The following RALGPS2 variants were observed in gnomAD, a reference collection of about 807,000 sequenced individuals.
RALGPS2 encodes the protein Ral GEF with PH domain and SH3 binding motif 2.
A neutral mutation model predicts 86.8 loss-of-function variants in RALGPS2; 43 were observed. The ratio of observed to expected loss-of-function variants is 0.50; its 90% CI spans 0.39 to 0.64. The LOEUF (loss-of-function observed/expected upper bound fraction) is 0.64. RALGPS2 is among the 30% of genes least tolerant of loss of function. The pLI, the probability that RALGPS2 is intolerant of heterozygous loss-of-function variation, is 0.00. For missense variants in RALGPS2, 536 were observed against 694.6 expected, an observed-to-expected ratio of 0.77 and a Z score of 2.57; for synonymous variants, 243 against 231.3, an observed-to-expected ratio of 1.05 and a Z score of -0.46.
chr1:178,777,212 A>G (rs1295016526), intron 2 of RALGPS2, among the ~76,000 whole-genome samples: 2 of 151,022 alleles, frequency 1.3e-5, no homozygotes, highest in South Asian at 2.1e-4. Context: ...TACAAAATCA[A>G]TGTACAAAAA....
intron 13 of RALGPS2, among the ~76,000 whole-genome samples, chr1:178,886,919 A>G (rs1487062522): frequency 6.6e-6 from 1 of 152,112 alleles, no homozygotes; most frequent in Non-Finnish European, 1.5e-5. Flanking sequence ...TGGCAAGATA[A>G]AAGTCATTGG....
chr1:178,823,171 A>G (rs1392896751), intron 7 of RALGPS2, among the ~76,000 whole-genome samples: 1 of 152,182 alleles, frequency 6.6e-6, no homozygotes, highest in Non-Finnish European at 1.5e-5. Flanking sequence ...ATTTTGCTGA[A>G]GTTAATTTTT....
chr1:178,799,506 C>T (rs1654366506), intron 4 of RALGPS2, among the ~76,000 whole-genome samples: 1 of 152,068 alleles, frequency 6.6e-6, no homozygotes, highest in South Asian at 2.1e-4. Flanking sequence ...ACTGCCCTTA[C>T]CTATAAAGCT....
At position 178,893,909 on chromosome 1, in the gene RALGPS2, G is replaced by T. The variant is rs758441384; in HGVS notation, c.1326-10G>T. The T allele has an allele frequency of 6.4e-7, 1 of 1,555,102 alleles. No homozygotes were observed. The highest frequency in any genetic ancestry group is 1.4e-5 in the African/African-American group (1 of 73,250). On this transcript the variant is annotated splice_polypyrimidine_tract_variant and intron_variant, in intron 15 of 19. Transcript: ENST00000367635. Reference sequence around the variant, plus strand: ...AAAGCTCTTATGTGTTCTTTTCTTCGTTATTATAGTTCTGCAGAATCAGAA... The same window carrying T: ...AAAGCTCTTATGTGTTCTTTTCTTCTTTATTATAGTTCTGCAGAATCAGAA...
chr1:178,823,176 A>G (rs993744651), intron 7 of RALGPS2, among the ~76,000 whole-genome samples: 7 of 152,232 alleles, frequency 4.6e-5, no homozygotes, highest in African/African-American at 1.7e-4. Context: ...GCTGAAGTTA[A>G]TTTTTATTTT....
chr1:178,784,411 TTA>T lies in RALGPS2; in HGVS notation c.58-6_58-5del. 1.9e-6 allele frequency: 3 copies of T among 1,592,570 alleles called. No individual in the cohort carries two copies. Among genetic ancestry groups the T allele is most frequent in the Non-Finnish European group, 2.6e-6 (3 of 1,166,176 alleles). On this transcript the variant is annotated splice_region_variant and splice_polypyrimidine_tract_variant and intron_variant, in intron 2 of 19. Coordinates refer to ENST00000367635, the MANE Select transcript of RALGPS2 (RefSeq NM_152663.5). The stretch of plus-strand genomic sequence containing the variant: ...GTAAAAGGCTGCATTTTCTTTCACT[TTA>T]ACAGAAAAGTAGCAGCTCTGAATCC...
intron 7 of RALGPS2, among the ~76,000 whole-genome samples, chr1:178,826,324 A>G (rs1655741193): frequency 6.6e-6 from 1 of 152,258 alleles, no homozygotes; most frequent in South Asian, 2.1e-4. Context: ...ATGAATGAAT[A>G]GACAAAATAT....
chr1:178,883,033 C>A (rs571225678), intron 10 of RALGPS2, among the ~76,000 whole-genome samples: 1 of 152,284 alleles, frequency 6.6e-6, no homozygotes. Flanking sequence ...CATCAAATAT[C>A]TTTAAATGTG....
intron 4 of RALGPS2, among the ~76,000 whole-genome samples, chr1:178,797,589 T>C (rs1029890682): frequency 1.3e-5 from 2 of 152,174 alleles, no homozygotes; most frequent in Non-Finnish European, 2.9e-5. Context: ...TAGGCAGTTA[T>C]AAAAGTAGTC....
intron 19 of RALGPS2, among the ~76,000 whole-genome samples, chr1:178,916,077 G>A (rs947448492): frequency 3.9e-5 from 6 of 152,096 alleles, no homozygotes. Context: ...AGACAAGAAA[G>A]ATATTGTCTC....
intron 14 of RALGPS2, 114 bp downstream of exon 14, chr1:178,889,810 C>T (rs1302088757): frequency 3.1e-5 from 20 of 640,190 alleles, no homozygotes; most frequent in Middle Eastern, 3.9e-4. Context: ...ATTAAGTTTT[C>T]TACTGGTAAA....
intron 7 of RALGPS2, among the ~76,000 whole-genome samples, chr1:178,822,766 A>G (rs1158329740): frequency 6.6e-6 from 1 of 152,146 alleles, no homozygotes. Context: ...GGAGGAATGG[A>G]AATGATTATA....
intron 17 of RALGPS2, among the ~76,000 whole-genome samples, chr1:178,898,269 T>C (rs1196034955): frequency 6.6e-6 from 1 of 152,052 alleles, no homozygotes; most frequent in African/African-American, 2.4e-5. Flanking sequence ...ATAGAATCTT[T>C]GAAAGGAAGA....
At chr1:178,793,071 A>G (rs929445782) in intron 4 of RALGPS2, among the ~76,000 whole-genome samples, 2 of 152,174 alleles carry the variant, frequency 1.3e-5, no homozygotes, top group Middle Eastern at 3.2e-3. Flanking sequence ...TTAATTACTT[A>G]ATTTCACTTA....
At chr1:178,914,699 G>T (rs1316706793) in intron 19 of RALGPS2, among the ~76,000 whole-genome samples, 1 of 151,734 alleles carries the variant, frequency 6.6e-6, no homozygotes, top group African/African-American at 2.4e-5. Flanking sequence ...TGTTGGAGTG[G>T]GCTTTGTTCT....
intron 10 of RALGPS2, among the ~76,000 whole-genome samples, chr1:178,880,424 A>G (rs909295866): frequency 6.6e-6 from 1 of 152,118 alleles, no homozygotes; most frequent in African/African-American, 2.4e-5. Context: ...TTCTGTACCA[A>G]TTTTCAGTCT....
intron 7 of RALGPS2, among the ~76,000 whole-genome samples, chr1:178,830,291 A>G (rs1318254416): frequency 6.6e-6 from 1 of 152,178 alleles, no homozygotes; most frequent in African/African-American, 2.4e-5. Context: ...AAAGAAGACA[A>G]TGGGAATTGG....
intron 1 of RALGPS2, among the ~76,000 whole-genome samples, chr1:178,762,202 C>CTG (rs1417670109): frequency 1.3e-5 from 2 of 152,092 alleles, no homozygotes; most frequent in African/African-American, 4.8e-5. Context: ...TTTTTTATGG[C>CTG]TGTGTAGTAT....
intron 8 of RALGPS2, among the ~76,000 whole-genome samples, chr1:178,868,350 A>G (rs933925209): frequency 2.0e-5 from 3 of 151,894 alleles, no homozygotes; most frequent in African/African-American, 7.2e-5. Flanking sequence ...CATTTTTCCT[A>G]TATATTTAAT....
Sources: allele counts gnomAD v4.1 joint callset (sites outside exome capture counted in the v4.1 genomes callset), GRCh38; gene constraint gnomAD v4.1.1; transcripts MANE v1.5; gene names NCBI Gene and HGNC (gene_info 2026-07-23, HGNC 2026-07-21).